SHISA6: variants seen among roughly 807,000 people sequenced by gnomAD.
The protein encoded by SHISA6 is shisa family member 6, also known as protein shisa-6.
Under a neutral mutation model 47.9 loss-of-function variants are expected in SHISA6, and 22 were observed. The observed-to-expected ratio is 0.46, with a 90% CI of 0.33 to 0.66. The LOEUF is 0.66. SHISA6 is among the 30% of genes least tolerant of loss of function. The probability of loss-of-function intolerance (pLI) is 0.02; values close to 1 mark genes in which losing one functional copy is unlikely to be tolerated. For missense variants in SHISA6, 680 were observed against 764.6 expected (o/e 0.89, Z 1.30); for synonymous variants, 388 against 337.8 (o/e 1.15, Z -1.63).
At chr17:11,458,882 G>C (rs1370801590) in intron 3 of SHISA6, among the ~76,000 whole-genome samples, 1 of 152,124 alleles carries the variant, frequency 6.6e-6, no homozygotes, top group Non-Finnish European at 1.5e-5. Context: ...TCGTTGGGTA[G>C]TTGTGAGAAT....
intron 3 of SHISA6, among the ~76,000 whole-genome samples, chr17:11,412,500 C>T (rs1045122248): frequency 6.6e-6 from 1 of 151,666 alleles, no homozygotes; most frequent in African/African-American, 2.4e-5. Flanking sequence ...TACATTTTTG[C>T]ATTCTTGAAA....
intron 2 of SHISA6, among the ~76,000 whole-genome samples, chr17:11,341,792 TATG>T (rs1354926577): frequency 6.6e-6 from 1 of 152,222 alleles, no homozygotes; most frequent in Non-Finnish European, 1.5e-5. Context: ...TCCTTGATGT[TATG>T]ATATCAGTGC....
chr17:11,242,016 C>G lies in SHISA6; in HGVS notation c.594C>G (p.Ser198=). 1.3e-6 allele frequency: 2 copies of G among 1,551,054 alleles called. No homozygotes were observed. The highest frequency in any genetic ancestry group is 1.7e-6 in the Non-Finnish European group (2 of 1,147,000). The change falls in exon 1 of 6, where the codon TCC becomes TCG. Residue 198 remains serine (S), a synonymous_variant. Transcript: ENST00000441885. ...TGGCCGGCGTCTTCGCCAAGGTCTC[C>G]TACGACAAGGCCCACCGCCCTCCAC... is the stretch of plus-strand genomic sequence containing the variant. The part of the protein sequence containing the change: ...VIVAGVFAKV[S]YDKAHRPPRE...
chr17:11,262,905 T>C (rs920216304), intron 1 of SHISA6, among the ~76,000 whole-genome samples: 4 of 152,200 alleles, frequency 2.6e-5, no homozygotes, highest in African/African-American at 9.6e-5. Context: ...GTTGTACTTA[T>C]TTGGGTCTCC....
At chr17:11,428,490 T>G (rs1043753155) in intron 3 of SHISA6, among the ~76,000 whole-genome samples, 1 of 152,178 alleles carries the variant, frequency 6.6e-6, no homozygotes, top group African/African-American at 2.4e-5. Flanking sequence ...GATAGCAAGG[T>G]TGTCTCTTTA....
chr17:11,503,890 T>C (rs901193081), intron 3 of SHISA6, among the ~76,000 whole-genome samples: 4 of 152,226 alleles, frequency 2.6e-5, no homozygotes, highest in Admixed American at 6.5e-5. Flanking sequence ...TATGTACAAG[T>C]GTGTTAATGT....
intron 3 of SHISA6, among the ~76,000 whole-genome samples, chr17:11,499,695 T>TG (rs1555540210): frequency 6.7e-6 from 1 of 148,362 alleles, no homozygotes; most frequent in Non-Finnish European, 1.5e-5. Flanking sequence ...TTTTTTTTTT[T>TG]TTTTTGTTGT....
intron 3 of SHISA6, among the ~76,000 whole-genome samples, chr17:11,514,739 G>A (rs567672554): frequency 6.6e-6 from 1 of 152,330 alleles, no homozygotes; most frequent in African/African-American, 2.4e-5. Context: ...CCAACACAGA[G>A]GTGCTCTAGG....
chr17:11,462,161 C>T (rs2142314377), intron 3 of SHISA6, among the ~76,000 whole-genome samples: 1 of 152,242 alleles, frequency 6.6e-6, no homozygotes, highest in South Asian at 2.1e-4. Context: ...AAGCTCACCC[C>T]TGCTTTCCCT....
At chr17:11,348,445 C>G (rs1032925625) in intron 2 of SHISA6, among the ~76,000 whole-genome samples, 6 of 152,056 alleles carry the variant, frequency 3.9e-5, no homozygotes, top group Non-Finnish European at 7.4e-5. Context: ...GCTAACGGCA[C>G]TTGTCACCCT....
At chr17:11,370,949 G>C (rs1344332113) in intron 2 of SHISA6, among the ~76,000 whole-genome samples, 1 of 152,158 alleles carries the variant, frequency 6.6e-6, no homozygotes, top group East Asian at 1.9e-4. Flanking sequence ...AGCAGTGTAG[G>C]CAGAGGGAAG....
At chr17:11,510,691 A>G (rs1320159285) in intron 3 of SHISA6, among the ~76,000 whole-genome samples, 1 of 152,214 alleles carries the variant, frequency 6.6e-6, no homozygotes, top group African/African-American at 2.4e-5. Flanking sequence ...ATTTCAAGCC[A>G]AGTTTCACCA....
intron 2 of SHISA6, among the ~76,000 whole-genome samples, chr17:11,286,755 C>T (rs147418961): frequency 6.5e-4 from 99 of 152,252 alleles, no homozygotes; most frequent in African/African-American, 2.1e-3. Context: ...GATATTTTGT[C>T]CAGAATCTCA....
At chr17:11,444,637 C>T (rs957481141) in intron 3 of SHISA6, among the ~76,000 whole-genome samples, 4 of 152,150 alleles carry the variant, frequency 2.6e-5, no homozygotes, top group Non-Finnish European at 5.9e-5. Context: ...AATCTAAAAT[C>T]ACTAAAGGAG....
At chr17:11,366,831 T>G (rs933285652) in intron 2 of SHISA6, among the ~76,000 whole-genome samples, 3 of 152,142 alleles carry the variant, frequency 2.0e-5, no homozygotes, top group Non-Finnish European at 2.9e-5. Context: ...AGGAATAAAG[T>G]TTTCTTTTGG....
At chr17:11,256,225 T>A (rs1908002291) in intron 1 of SHISA6, among the ~76,000 whole-genome samples, 1 of 152,304 alleles carries the variant, frequency 6.6e-6, no homozygotes, top group East Asian at 1.9e-4. Context: ...CCGGGCACGG[T>A]GGCTCACACC....
intron 3 of SHISA6, among the ~76,000 whole-genome samples, chr17:11,461,499 A>G (rs949387125): frequency 6.6e-6 from 1 of 152,038 alleles, no homozygotes; most frequent in Non-Finnish European, 1.5e-5. Flanking sequence ...GTTTTTACTC[A>G]CAGATGCCTA....
chr17:11,442,129 G>A (rs1392295955), intron 3 of SHISA6, among the ~76,000 whole-genome samples: 1 of 152,166 alleles, frequency 6.6e-6, no homozygotes. Flanking sequence ...ATGCTTTGAG[G>A]TTGCTCACCA....
intron 2 of SHISA6, among the ~76,000 whole-genome samples, chr17:11,313,621 A>G (rs1910407244): frequency 6.6e-6 from 1 of 152,186 alleles, no homozygotes; most frequent in Non-Finnish European, 1.5e-5. Flanking sequence ...ACCTTTTGGG[A>G]AGCCCTCCCT....
Sources: gnomAD v4.1 joint callset for allele counts (sites outside exome capture counted in the v4.1 genomes callset) on GRCh38, gnomAD v4.1.1 for gene constraint, MANE v1.5 for transcripts, NCBI Gene and HGNC (gene_info 2026-07-23, HGNC 2026-07-21) for gene names.